Variants in GUCY1A2 observed in about 807,000 individuals in gnomAD.
GUCY1A2 encodes guanylate cyclase 1 soluble subunit alpha 2.
Under a neutral mutation model 63.5 loss-of-function variants are expected in GUCY1A2, and 27 were observed. The ratio of observed to expected loss-of-function variants is 0.43; its 90% CI spans 0.31 to 0.59. GUCY1A2 has a LOEUF of 0.59. Among genes scored for constraint, GUCY1A2 ranks in the 20% least tolerant of loss-of-function variants. The probability of loss-of-function intolerance (pLI) is 0.11; values close to 1 mark genes in which losing one functional copy is unlikely to be tolerated. For synonymous variants in GUCY1A2, 364 were observed against 343.5 expected (o/e 1.06, Z -0.66); for missense variants, 768 against 913.3 (o/e 0.84, Z 2.05).
chr11:106,769,095 A>T (rs2135397381), intron 6 of GUCY1A2, among the ~76,000 whole-genome samples: 1 of 152,202 alleles, frequency 6.6e-6, no homozygotes, highest in South Asian at 2.1e-4. Flanking sequence ...TAAGTCTTAA[A>T]TTATTTCTAT....
rs2135324992 is a variant in GUCY1A2, at chr11:106,678,282, C to T, written c.*9267G>A. The stretch of plus-strand genomic sequence containing the variant: ...AAAGCAATTTATCTGAGAGTCCAAG[C>T]CAAGGTTAAGTTTTGGTTTCAGTGT... On this transcript the variant is annotated 3_prime_UTR_variant, in exon 8 of 8. Transcript: ENST00000526355. 4.9e-6 allele frequency: 1 copy of T among 204,516 alleles called. No individual in the cohort carries two copies. Among genetic ancestry groups the T allele is most frequent in the Non-Finnish European group, 1.0e-5 (1 of 99,876 alleles). 12.7% of individuals were successfully genotyped at this position (204,516 alleles called of 1,614,324 possible). A position where few individuals can be genotyped will look rare whatever the true frequency, so the allele number is the denominator to read the frequency against.
chr11:106,894,637 T>G (rs879788258), intron 4 of GUCY1A2, among the ~76,000 whole-genome samples: 1 of 152,072 alleles, frequency 6.6e-6, no homozygotes, highest in Non-Finnish European at 1.5e-5. Flanking sequence ...AACAGAAAGG[T>G]AGCTAAAAAA....
chr11:106,757,712 G>A (rs147923077), intron 6 of GUCY1A2, among the ~76,000 whole-genome samples: 100 of 152,190 alleles, frequency 6.6e-4, no homozygotes, highest in African/African-American at 9.4e-4. Flanking sequence ...CTCCCTGATC[G>A]TTCCTCTGGA....
intron 3 of GUCY1A2, among the ~76,000 whole-genome samples, chr11:106,953,781 T>G (rs1202409783): frequency 6.6e-6 from 1 of 151,890 alleles, no homozygotes; most frequent in Non-Finnish European, 1.5e-5. Flanking sequence ...ATTTATCCAT[T>G]TCTTCTAGAT....
chr11:107,011,261 A>T (rs1186614727), intron 1 of GUCY1A2, among the ~76,000 whole-genome samples: 1 of 152,066 alleles, frequency 6.6e-6, no homozygotes, highest in East Asian at 1.9e-4. Flanking sequence ...GTAACTCATG[A>T]TCAACAATGT....
At chr11:106,987,294 A>G (rs999794939) in intron 1 of GUCY1A2, among the ~76,000 whole-genome samples, 3 of 152,236 alleles carry the variant, frequency 2.0e-5, no homozygotes, top group South Asian at 4.1e-4. Flanking sequence ...GAAGCAGTTA[A>G]TAAGTATCAA....
chr11:106,873,405 A>G (rs900102961), intron 4 of GUCY1A2, among the ~76,000 whole-genome samples: 1 of 152,044 alleles, frequency 6.6e-6, no homozygotes, highest in African/African-American at 2.4e-5. Flanking sequence ...AAGCATTCCT[A>G]TTTCTCCACA....
Position 106,846,246 on chromosome 11 carries a change from T to TG in GUCY1A2, c.1207-35769dup, listed in dbSNP as rs1357889494. ...GGTAATATACTTTCAAAGTTAATTT[T>TG]GGGGGGTACTGTGACTATGTAGATG... On this transcript the variant is annotated intron_variant, in intron 4 of 7. Coordinates refer to ENST00000526355, the MANE Select transcript of GUCY1A2 (RefSeq NM_000855.3). Among the ~76,000 whole-genome samples, 5 of 151,730 alleles carry TG rather than the reference T, an allele frequency of 3.3e-5. No individual in the cohort carries two copies. The East Asian group carries it at 9.7e-4, about 29-fold the overall frequency.
At chr11:106,821,675 C>A (rs1049008803) in intron 4 of GUCY1A2, among the ~76,000 whole-genome samples, 2 of 152,112 alleles carry the variant, frequency 1.3e-5, no homozygotes, top group African/African-American at 2.4e-5. Context: ...AACACAGTGT[C>A]ACACAGGAAT....
intron 2 of GUCY1A2, among the ~76,000 whole-genome samples, chr11:106,983,906 C>T (rs1360724116): frequency 3.3e-5 from 5 of 152,128 alleles, no homozygotes; most frequent in Non-Finnish European, 7.4e-5. Context: ...GATAGGAAGC[C>T]TTAAATTGTA....
chr11:106,730,420 T>G (rs968589571), intron 6 of GUCY1A2, among the ~76,000 whole-genome samples: 3 of 152,010 alleles, frequency 2.0e-5, no homozygotes, highest in African/African-American at 7.2e-5. Flanking sequence ...TTCAGCTCCA[T>G]CCATGTTGCT....
chr11:106,835,358 A>G (rs1859102569), intron 4 of GUCY1A2, among the ~76,000 whole-genome samples: 1 of 151,972 alleles, frequency 6.6e-6, no homozygotes. Flanking sequence ...TGGAAGATCT[A>G]AAAATACCGT....
chr11:106,969,545 G>T (rs1861168117), intron 3 of GUCY1A2, among the ~76,000 whole-genome samples: 1 of 151,666 alleles, frequency 6.6e-6, no homozygotes, highest in East Asian at 1.9e-4. Context: ...GCTCACTTGA[G>T]CTAAAAGATT....
At chr11:107,017,465 C>G (rs1283014947) in intron 1 of GUCY1A2, among the ~76,000 whole-genome samples, 2 of 152,118 alleles carry the variant, frequency 1.3e-5, no homozygotes, top group Non-Finnish European at 2.9e-5. Flanking sequence ...CCAGGGGGAA[C>G]AGTGGTGAAG....
intron 4 of GUCY1A2, among the ~76,000 whole-genome samples, chr11:106,865,662 A>G (rs1276733212): frequency 6.6e-6 from 1 of 151,926 alleles, no homozygotes; most frequent in East Asian, 1.9e-4. Flanking sequence ...GGTGAGGGTG[A>G]TAGGGGAGGG....
At chr11:106,817,969 T>C (rs1120250) in intron 4 of GUCY1A2, among the ~76,000 whole-genome samples, 72,224 of 151,886 alleles carry the variant, frequency 0.48, 17,618 homozygotes, top group Middle Eastern at 0.63. Flanking sequence ...AATTACTATA[T>C]GATCCAGCAA....
chr11:106,939,725 G>T lies in GUCY1A2; in HGVS notation c.941C>A (p.Ala314Glu). ...NLPQGTSQVP[A>E]DLRISINTFC... Reference sequence around the variant, plus strand: ...GGTGTTGATGCTAATTCTGAGGTCCGCAGGAACTTGGGAGGTTCCCTGTGG... The same window carrying T: ...GGTGTTGATGCTAATTCTGAGGTCCTCAGGAACTTGGGAGGTTCCCTGTGG... Residue 314 changes from alanine to glutamate, a missense_variant, in exon 4 of 8, where the codon GCG (alanine) becomes GAG (glutamate). Transcript: ENST00000526355. The T allele has an allele frequency of 1.2e-6, 2 of 1,613,176 alleles. No homozygotes were observed. Among genetic ancestry groups the T allele is most frequent in the Non-Finnish European group, 1.7e-6 (2 of 1,179,146 alleles).
intron 6 of GUCY1A2, among the ~76,000 whole-genome samples, chr11:106,736,805 T>A (rs1236009678): frequency 2.0e-5 from 3 of 152,160 alleles, no homozygotes; most frequent in Non-Finnish European, 2.9e-5. Flanking sequence ...CAATTTTTTT[T>A]AAAGTCTGTA....
intron 4 of GUCY1A2, among the ~76,000 whole-genome samples, chr11:106,829,252 G>A (rs1187487083): frequency 6.6e-6 from 1 of 152,244 alleles, no homozygotes; most frequent in African/African-American, 2.4e-5. Flanking sequence ...CGGAAGCTAA[G>A]ATAAGGGAGG....
Sources: allele counts gnomAD v4.1 joint callset (sites outside exome capture counted in the v4.1 genomes callset), GRCh38; gene constraint gnomAD v4.1.1; transcripts MANE v1.5; gene names NCBI Gene and HGNC (gene_info 2026-07-23, HGNC 2026-07-21).